Variants in TRIP12 observed in about 807,000 individuals in gnomAD.
The protein encoded by TRIP12 is E3 ubiquitin-protein ligase TRIP12.
In TRIP12, 25 loss-of-function variants were observed where a neutral mutation model predicts 244.2. The observed-to-expected ratio is 0.10, with a 90% confidence interval of 0.07 to 0.14. The LOEUF (loss-of-function observed/expected upper bound fraction) is 0.14. Ranked by LOEUF, TRIP12 falls within the 10% of genes least tolerant of loss-of-function variation. TRIP12 has a pLI of 1.00. For synonymous variants in TRIP12, 905 were observed against 873.1 expected (o/e 1.04, Z -0.64); for missense variants, 1,677 against 2,486.4 (o/e 0.67, Z 6.92).
intron 37 of TRIP12, among the ~76,000 whole-genome samples, chr2:229,775,975 CA>C (rs1291668996): frequency 6.6e-6 from 1 of 151,810 alleles, no homozygotes; most frequent in Non-Finnish European, 1.5e-5. Flanking sequence ...AACAAACAAA[CA>C]AAAAAACTAC....
intron 1 of TRIP12, among the ~76,000 whole-genome samples, chr2:229,910,705 A>G (rs1340854347): frequency 2.6e-5 from 4 of 152,186 alleles, no homozygotes; most frequent in Admixed American, 2.6e-4. Context: ...AAAGGCTGAA[A>G]TACCCCAAGT....
At chr2:229,794,651 T>C (rs1213993950) in intron 26 of TRIP12, among the ~76,000 whole-genome samples, 1 of 152,108 alleles carries the variant, frequency 6.6e-6, no homozygotes, top group African/African-American at 2.4e-5. Context: ...TCCATGAAAC[T>C]TGTAACATTC....
intron 25 of TRIP12, among the ~76,000 whole-genome samples, chr2:229,796,286 A>C (rs1478322057): frequency 6.6e-6 from 1 of 152,264 alleles, no homozygotes; most frequent in African/African-American, 2.4e-5. Context: ...ATTTAAAAAC[A>C]AATATTGCAA....
At chr2:229,922,421 C>A, upstream of TRIP12, 1 of 1,190,552 alleles carries the variant, frequency 8.4e-7, no homozygotes, top group Non-Finnish European at 1.2e-6. Context: ...AGCTCATAAG[C>A]GTGGTTCAAT....
chr2:229,836,679 T>A (rs940667022), intron 6 of TRIP12, among the ~76,000 whole-genome samples, 169 bp downstream of exon 6: 5 of 152,204 alleles, frequency 3.3e-5, no homozygotes, highest in Non-Finnish European at 7.3e-5. Flanking sequence ...TGGATGAGAA[T>A]TTTAAAATGG....
chr2:229,860,389 G>T lies in TRIP12; in HGVS notation c.224+17C>A. ...ATAATTCTGCCTTGAAAATGTATAA[G>T]CAACATGAAGATTTACCTTTTAGAA... On this transcript the variant is annotated intron_variant, in intron 3 of 41. Transcript: ENST00000675903. 1 of 1,588,274 alleles carries T rather than the reference G, an allele frequency of 6.3e-7. No homozygotes were observed. The highest frequency in any genetic ancestry group is 1.3e-5 in the African/African-American group (1 of 74,202).
At chr2:229,802,875 C>G (rs1463402123) in intron 20 of TRIP12, among the ~76,000 whole-genome samples, 2 of 152,006 alleles carry the variant, frequency 1.3e-5, no homozygotes, top group African/African-American at 4.8e-5. Context: ...GACAAGATCA[C>G]ATTAACACTG....
At chr2:229,842,796 GT>G (rs1330351522) in intron 4 of TRIP12, among the ~76,000 whole-genome samples, 1 of 152,170 alleles carries the variant, frequency 6.6e-6, no homozygotes, top group African/African-American at 2.4e-5. Flanking sequence ...CTGATTTGAA[GT>G]GATGACATAT....
At chr2:229,779,040 T>G in intron 34 of TRIP12, 50 bp from the exon 35 acceptor site, 2 of 1,480,466 alleles carry the variant, frequency 1.4e-6, no homozygotes, top group Non-Finnish European at 1.9e-6. Context: ...AATTGTGTTT[T>G]TTTACTGCCA....
At chr2:229,889,613 A>T (rs1422974910) in intron 1 of TRIP12, among the ~76,000 whole-genome samples, 12 of 152,350 alleles carry the variant, frequency 7.9e-5, no homozygotes, top group Admixed American at 3.3e-4. Flanking sequence ...CTTTCTAGTT[A>T]CTTCCTCTTA....
chr2:229,903,010 CTT>C lies in TRIP12; in HGVS notation c.-50+18868_-50+18869del, dbSNP rs796575993. On this transcript the variant is annotated intron_variant, in intron 1 of 41. Transcript: ENST00000675903. Reference sequence around the variant, plus strand: ...TGTGTGCGGGTTTTTTTTTCTTTTTCTTTTTTTCTTTTTTTTTTTTTTTTTTG... The same window carrying C: ...TGTGTGCGGGTTTTTTTTTCTTTTTCTTTTTCTTTTTTTTTTTTTTTTTTG... 3.7e-3 allele frequency among the ~76,000 whole-genome samples: 94 copies of C among 25,658 alleles called. 6 individuals are homozygous for C. The highest frequency in any genetic ancestry group is 5.6e-3 in the African/African-American group (47 of 8,460). The allele number at this position is 25,658 out of a possible 152,430, so 16.8% of individuals were successfully genotyped here. A position where few individuals can be genotyped will look rare whatever the true frequency, so the allele number is the denominator to read the frequency against.
chr2:229,815,708 CA>C (rs145081182), intron 9 of TRIP12, among the ~76,000 whole-genome samples: 7,360 of 151,736 alleles, frequency 0.049, 603 homozygotes, highest in African/African-American at 0.17. Flanking sequence ...CATTTGTTAA[CA>C]AATGTCAGCA....
chr2:229,905,135 G>A (rs995600189), intron 1 of TRIP12, among the ~76,000 whole-genome samples: 4 of 152,166 alleles, frequency 2.6e-5, no homozygotes, highest in African/African-American at 7.2e-5. Context: ...TTAGCTGAGC[G>A]TGGTGGCACA....
chr2:229,913,662 T>C (rs1033672799), intron 1 of TRIP12, among the ~76,000 whole-genome samples: 1 of 152,212 alleles, frequency 6.6e-6, no homozygotes, highest in Non-Finnish European at 1.5e-5. Flanking sequence ...AAGTAAATTA[T>C]GGCAAACGAT....
chr2:229,798,090 C>T (rs1460921768), intron 23 of TRIP12, among the ~76,000 whole-genome samples: 3 of 152,098 alleles, frequency 2.0e-5, no homozygotes, highest in Non-Finnish European at 4.4e-5. Context: ...TTTTTGGAAC[C>T]CTGCAATATA....
intron 4 of TRIP12, among the ~76,000 whole-genome samples, chr2:229,843,042 TTCTC>T (rs1317439626): frequency 2.0e-5 from 3 of 151,308 alleles, no homozygotes; most frequent in African/African-American, 4.9e-5. Context: ...TTCTCTCTTA[TTCTC>T]TCTTTCTCTC....
intron 6 of TRIP12, among the ~76,000 whole-genome samples, chr2:229,833,888 A>G (rs2054095430): frequency 6.6e-6 from 1 of 152,220 alleles, no homozygotes; most frequent in Non-Finnish European, 1.5e-5. Flanking sequence ...TAGAAGACTT[A>G]AACCAGCCAA....
intron 2 of TRIP12, among the ~76,000 whole-genome samples, chr2:229,869,990 C>T (rs1314336746): frequency 6.6e-6 from 1 of 152,188 alleles, no homozygotes; most frequent in Non-Finnish European, 1.5e-5. Context: ...AATCTTCCAA[C>T]TTTTCTCATC....
intron 2 of TRIP12, among the ~76,000 whole-genome samples, chr2:229,877,086 CT>C (rs1283109492): frequency 3.3e-5 from 5 of 151,054 alleles, no homozygotes; most frequent in African/African-American, 1.2e-4. Flanking sequence ...ATCACAATTA[CT>C]TTTGCATCAA....
Sources: allele counts gnomAD v4.1 joint callset (sites outside exome capture counted in the v4.1 genomes callset), GRCh38; gene constraint gnomAD v4.1.1; transcripts MANE v1.5; gene names NCBI Gene and HGNC (gene_info 2026-07-23, HGNC 2026-07-21).